Variants in RGL1 observed in about 807,000 individuals in gnomAD.
The protein encoded by RGL1 is ral guanine nucleotide dissociation stimulator-like 1.
A neutral mutation model predicts 95.2 loss-of-function variants in RGL1; 24 were observed. That is an observed-to-expected ratio of 0.25 (90% CI 0.18 to 0.35). The LOEUF is 0.35. Ranked by LOEUF, RGL1 falls within the 10% of genes least tolerant of loss-of-function variation. The pLI, the probability that RGL1 is intolerant of heterozygous loss-of-function variation, is 1.00. For synonymous variants in RGL1, 329 were observed against 344.9 expected, an observed-to-expected ratio of 0.95 and a Z score of 0.51; for missense variants, 715 against 936.3, an observed-to-expected ratio of 0.76 and a Z score of 3.08.
rs557176224 is a variant in RGL1 at position 183,844,546 on chromosome 1, A to G, written c.139-3020A>G. 6.8e-4 allele frequency among the ~76,000 whole-genome samples: 104 copies of G among 152,354 alleles called. 1 individual carries two copies. In the South Asian group the frequency reaches 0.017, roughly 25 times the overall value. On this transcript the variant is annotated intron_variant, in intron 2 of 17. Transcript: ENST00000360851. ...GATATCATTGACTTTGTTGAACTCT[A>G]TAGTTCCCAAACTTGACCATAGGAG...
intron 1 of RGL1, among the ~76,000 whole-genome samples, chr1:183,710,440 G>A (rs535343994): frequency 6.6e-6 from 1 of 152,290 alleles, no homozygotes; most frequent in African/African-American, 2.4e-5. Flanking sequence ...TGAAAGGCAT[G>A]ACTAGGGCAG....
intron 1 of RGL1, among the ~76,000 whole-genome samples, chr1:183,642,962 C>T (rs1174688): frequency 0.3 from 45,608 of 151,980 alleles, 7,230 homozygotes; most frequent in Middle Eastern, 0.38. Context: ...TTCCCTGCTC[C>T]CCAGCCCCTG....
chr1:183,776,510 C>T (rs1659611964), intron 2 of RGL1, among the ~76,000 whole-genome samples: 1 of 152,060 alleles, frequency 6.6e-6, no homozygotes, highest in African/African-American at 2.4e-5. Context: ...TGTAACAGCA[C>T]ATTATGCGGC....
At chr1:183,923,129 G>A (rs533887946) in intron 17 of RGL1, among the ~76,000 whole-genome samples, 1 of 152,276 alleles carries the variant, frequency 6.6e-6, no homozygotes, top group African/African-American at 2.4e-5. Flanking sequence ...GTTGACCGAA[G>A]CCAACCCTTT....
intron 2 of RGL1, among the ~76,000 whole-genome samples, chr1:183,830,076 G>A (rs530721858): frequency 6.6e-5 from 10 of 152,112 alleles, no homozygotes; most frequent in Non-Finnish European, 1.2e-4. Context: ...GGAAGCTCAG[G>A]AAATATTCTG....
chr1:183,880,942 T>C (rs1666792661), intron 5 of RGL1, 142 bp downstream of exon 5: 2 of 739,556 alleles, frequency 2.7e-6, no homozygotes, highest in African/African-American at 3.6e-5. Context: ...GGCTTGAGTA[T>C]AAAATTCTCA....
chr1:183,751,255 C>G (rs934716973), intron 2 of RGL1, among the ~76,000 whole-genome samples: 3 of 152,182 alleles, frequency 2.0e-5, no homozygotes, highest in African/African-American at 7.2e-5. Context: ...TCAGAGATAC[C>G]CTGCCCAGAG....
At chr1:183,756,300 T>C (rs1481623397) in intron 2 of RGL1, among the ~76,000 whole-genome samples, 1 of 151,856 alleles carries the variant, frequency 6.6e-6, no homozygotes, top group Non-Finnish European at 1.5e-5. Context: ...GCCTGGCAAA[T>C]GGAATTTTTG....
At position 183,648,419 on chromosome 1, in the gene RGL1, A is replaced by AT. The variant is rs760565750; in HGVS notation, c.-33+11919dup. The stretch of plus-strand genomic sequence containing the variant: ...CTTCATTACAAGGGGAGTTGTTGGA[A>AT]TACAGAATGATATGCCTGATGCTGT... On this transcript the variant is annotated intron_variant, in intron 1 of 18. Coordinates refer to the RGL1 transcript ENST00000304685. The AT allele has an allele frequency of 2.7e-5, 43 of 1,614,230 alleles. No homozygotes were observed. The African/African-American group carries it at 4.9e-4, about 19-fold the overall frequency.
chr1:183,641,010 A>G (rs1036106082), intron 1 of RGL1, among the ~76,000 whole-genome samples: 1 of 152,230 alleles, frequency 6.6e-6, no homozygotes, highest in African/African-American at 2.4e-5. Context: ...TGTAGTGAAT[A>G]TATATATTTT....
intron 17 of RGL1, 54 bp downstream of exon 17, chr1:183,922,390 A>G (rs1669360097): frequency 3.1e-6 from 4 of 1,273,646 alleles, no homozygotes; most frequent in Admixed American, 1.8e-5. Context: ...TGGCTAGCAC[A>G]TGTCCACAGT....
chr1:183,852,510 ACACT>A (rs780875763), intron 3 of RGL1, among the ~76,000 whole-genome samples: 2 of 152,150 alleles, frequency 1.3e-5, no homozygotes, highest in African/African-American at 4.8e-5. Context: ...CTTCAAACAT[ACACT>A]CACTCAGTTA....
At chr1:183,757,649 A>G (rs976870352) in intron 2 of RGL1, among the ~76,000 whole-genome samples, 5 of 152,242 alleles carry the variant, frequency 3.3e-5, no homozygotes, top group Admixed American at 1.3e-4. Context: ...GGTTTACAAG[A>G]AAAAGAAAAT....
chr1:183,675,428 T>G (rs1652763256), intron 1 of RGL1, among the ~76,000 whole-genome samples: 1 of 151,036 alleles, frequency 6.6e-6, no homozygotes, highest in South Asian at 2.1e-4. Context: ...TCTTTTGGTA[T>G]CTTGGAACAT....
chr1:183,706,419 C>T (rs1392134024), intron 1 of RGL1, among the ~76,000 whole-genome samples: 1 of 152,188 alleles, frequency 6.6e-6, no homozygotes, highest in Non-Finnish European at 1.5e-5. Context: ...ACCCTTGGAT[C>T]ACATGAAGAG....
At position 183,902,501 on chromosome 1, in the gene RGL1, A is replaced by G. The variant is rs1668086503; in HGVS notation, c.1318-67A>G. The G allele has an allele frequency of 1.3e-5, 18 of 1,372,396 alleles. No individual in the cohort carries two copies. The South Asian group carries it at 2.1e-4, about 16-fold the overall frequency. The allele number at this position is 1,372,396 out of a possible 1,614,324, so 85.0% of individuals were successfully genotyped here. On this transcript the variant is annotated intron_variant, in intron 11 of 17. Transcript: ENST00000360851. ...CCTTTGATCTATTTTAATGTGACCT[A>G]CGACAACATATGGCTGTGTTTTAAA... is the stretch of plus-strand genomic sequence containing the variant.
At chr1:183,873,272 A>AACATT (rs1666293536) in intron 4 of RGL1, among the ~76,000 whole-genome samples, 1 of 152,256 alleles carries the variant, frequency 6.6e-6, no homozygotes, top group Non-Finnish European at 1.5e-5. Flanking sequence ...TTCCCTGCAC[A>AACATT]GCATTGTAAA....
At chr1:183,699,616 C>G (rs1271060208) in intron 1 of RGL1, among the ~76,000 whole-genome samples, 15 of 152,158 alleles carry the variant, frequency 9.9e-5, no homozygotes, top group African/African-American at 3.4e-4. Context: ...CCAGCTAGAG[C>G]CACTAGATCA....
At position 183,637,618 on chromosome 1, in the gene RGL1, G is replaced by A. The variant is rs542240621; in HGVS notation, c.-33+1117G>A. Among the ~76,000 whole-genome samples the A allele has an allele frequency of 4.6e-5, 7 of 152,270 alleles. No individual in the cohort carries two copies. In the East Asian group the frequency reaches 1.2e-3, roughly 25 times the overall value. On this transcript the variant is annotated intron_variant, in intron 1 of 18. Transcript: ENST00000304685. ...ATAGAGAGTGGGAGAGAGACCTCGAGAATGGAATACATCCCTTTTTCTTGG... is the reference window on the plus strand; with the variant it reads ...ATAGAGAGTGGGAGAGAGACCTCGAAAATGGAATACATCCCTTTTTCTTGG...
Sources: gnomAD v4.1 joint callset for allele counts (sites outside exome capture counted in the v4.1 genomes callset) on GRCh38, gnomAD v4.1.1 for gene constraint, MANE v1.5 for transcripts, NCBI Gene and HGNC (gene_info 2026-07-23, HGNC 2026-07-21) for gene names.